The following NEO1 variants were observed in gnomAD, a reference collection of about 807,000 sequenced individuals.
The protein encoded by NEO1 is neogenin 1.
A neutral mutation model predicts 159.7 loss-of-function variants in NEO1; 63 were observed. That is an observed-to-expected ratio of 0.39 (90% CI 0.32 to 0.49). The LOEUF is 0.49. Among genes scored for constraint, NEO1 ranks in the 20% least tolerant of loss-of-function variants. NEO1 has a pLI of 0.85. For missense variants in NEO1, 1,615 were observed against 1,831.0 expected, an observed-to-expected ratio of 0.88 and a Z score of 2.15; for synonymous variants, 633 against 662.0, an observed-to-expected ratio of 0.96 and a Z score of 0.67.
chr15:73,220,304 G>T (rs1407094454), intron 7 of NEO1, among the ~76,000 whole-genome samples: 1 of 152,176 alleles, frequency 6.6e-6, no homozygotes, highest in African/African-American at 2.4e-5. Context: ...TCCACTGTTA[G>T]TCTGATGGGC....
intron 7 of NEO1, among the ~76,000 whole-genome samples, chr15:73,210,011 GA>G (rs2037465894): frequency 6.6e-6 from 1 of 151,872 alleles, no homozygotes; most frequent in Non-Finnish European, 1.5e-5. Flanking sequence ...CTAAAAAAAC[GA>G]AAAAAAGTAG....
intron 1 of NEO1, among the ~76,000 whole-genome samples, chr15:73,113,407 T>C (rs967695456): frequency 2.6e-5 from 4 of 152,128 alleles, no homozygotes; most frequent in Non-Finnish European, 5.9e-5. Context: ...ACTGGGAATA[T>C]AGCAAATGAA....
At chr15:73,069,168 G>A (rs985993903) in intron 1 of NEO1, among the ~76,000 whole-genome samples, 1 of 105,254 alleles carries the variant, frequency 9.5e-6, no homozygotes, top group African/African-American at 3.3e-5. Context: ...TTGCTATGTT[G>A]CCCAGCTGGT....
intron 13 of NEO1, among the ~76,000 whole-genome samples, chr15:73,257,138 A>AAAG (rs887574108): frequency 6.0e-5 from 7 of 116,816 alleles, no homozygotes; most frequent in African/African-American, 3.1e-4. Flanking sequence ...TCTCCAAAAA[A>AAAG]AAAAAAAAAA....
chr15:73,226,032 G>A (rs1260298816), intron 7 of NEO1, among the ~76,000 whole-genome samples: 2 of 152,094 alleles, frequency 1.3e-5, no homozygotes, highest in African/African-American at 2.4e-5. Flanking sequence ...AGGTAAGGTC[G>A]GAAACTTCTC....
chr15:73,071,257 G>A (rs1299025272), intron 1 of NEO1, among the ~76,000 whole-genome samples: 6 of 152,142 alleles, frequency 3.9e-5, no homozygotes, highest in Admixed American at 3.9e-4. Context: ...TTCTTTATGT[G>A]TAGTTACTAC....
At position 73,204,117 on chromosome 15, in the gene NEO1, T is replaced by TG. The variant is rs1210039521; in HGVS notation, c.1291+25693dup. On this transcript the variant is annotated intron_variant, in intron 7 of 28. Coordinates refer to ENST00000261908, the MANE Select transcript of NEO1 (RefSeq NM_002499.4). ...TGCTGGATATAGAATGTAAGGTTGGTGGGTTTTTTTTTCAGCACTTTGAAT... is the reference window on the plus strand; with the variant it reads ...TGCTGGATATAGAATGTAAGGTTGGTGGGGTTTTTTTTTCAGCACTTTGAAT... 4.5e-5 allele frequency among the ~76,000 whole-genome samples: 6 copies of TG among 132,214 alleles called. No individual in the cohort carries two copies. The East Asian group carries it at 1.1e-3, about 23-fold the overall frequency. 86.7% of individuals were successfully genotyped at this position (132,214 alleles called of 152,430 possible). A position where few individuals can be genotyped will look rare whatever the true frequency, so the allele number is the denominator to read the frequency against.
intron 1 of NEO1, among the ~76,000 whole-genome samples, chr15:73,100,338 CTTT>C (rs1165859838): frequency 7.0e-6 from 1 of 143,256 alleles, no homozygotes; most frequent in Non-Finnish European, 1.5e-5. Context: ...ATTTTGATAT[CTTT>C]TTTTTTTTTT....
intron 5 of NEO1, among the ~76,000 whole-genome samples, chr15:73,172,075 G>A (rs2035009971): frequency 6.6e-6 from 1 of 152,172 alleles, no homozygotes; most frequent in Non-Finnish European, 1.5e-5. Context: ...AATAATATGT[G>A]TGTAGGGTAG....
At chr15:73,068,791 TTTG>T (rs1002301794) in intron 1 of NEO1, among the ~76,000 whole-genome samples, 24 of 152,286 alleles carry the variant, frequency 1.6e-4, no homozygotes, top group East Asian at 3.9e-4. Context: ...CACTGGGTAT[TTTG>T]TTGTTGTTCT....
intron 12 of NEO1, among the ~76,000 whole-genome samples, 158 bp downstream of exon 12, chr15:73,253,607 G>A (rs1319883307): frequency 1.3e-5 from 2 of 151,888 alleles, no homozygotes; most frequent in East Asian, 1.9e-4. Flanking sequence ...AAATTAGAAC[G>A]TAAGTGAAAA....
intron 4 of NEO1, among the ~76,000 whole-genome samples, chr15:73,128,001 GTATC>G (rs2030530750): frequency 6.6e-6 from 1 of 152,110 alleles, no homozygotes; most frequent in Non-Finnish European, 1.5e-5. Flanking sequence ...GTAGAAACAG[GTATC>G]TATCTAGTTA....
At chr15:73,129,341 G>A (rs2030770421) in intron 4 of NEO1, among the ~76,000 whole-genome samples, 1 of 151,992 alleles carries the variant, frequency 6.6e-6, no homozygotes, top group Non-Finnish European at 1.5e-5. Flanking sequence ...TTAGAAAGAG[G>A]CTTAGAAGTT....
At chr15:73,250,673 T>C (rs2040024718) in intron 11 of NEO1, among the ~76,000 whole-genome samples, 1 of 152,108 alleles carries the variant, frequency 6.6e-6, no homozygotes, top group Non-Finnish European at 1.5e-5. Flanking sequence ...TTTAACTGAC[T>C]TGGATTCTTA....
At chr15:73,213,940 T>C (rs540615977) in intron 7 of NEO1, among the ~76,000 whole-genome samples, 9 of 152,328 alleles carry the variant, frequency 5.9e-5, no homozygotes, top group African/African-American at 2.2e-4. Context: ...TACTGTTTTT[T>C]GATTTTTTGA....
At chr15:73,262,924 G>A (rs1410531993) in intron 15 of NEO1, among the ~76,000 whole-genome samples, 1 of 152,124 alleles carries the variant, frequency 6.6e-6, no homozygotes, top group Non-Finnish European at 1.5e-5. Flanking sequence ...TAAACATGCT[G>A]ACCAAAGACG....
At chr15:73,095,380 C>T (rs1423730569) in intron 1 of NEO1, among the ~76,000 whole-genome samples, 2 of 152,104 alleles carry the variant, frequency 1.3e-5, no homozygotes, top group Non-Finnish European at 2.9e-5. Context: ...AAAAGCCTAA[C>T]ATATTTTCTG....
At chr15:73,183,758 A>G (rs2035756126) in intron 7 of NEO1, among the ~76,000 whole-genome samples, 1 of 141,618 alleles carries the variant, frequency 7.1e-6, no homozygotes, top group Non-Finnish European at 1.6e-5. Context: ...GAGGAAAGGA[A>G]AAAAAAAGAG....
At chr15:73,244,754 C>T (rs953195540) in intron 9 of NEO1, among the ~76,000 whole-genome samples, 5 of 151,604 alleles carry the variant, frequency 3.3e-5, no homozygotes, top group Admixed American at 6.6e-5. Context: ...TTTTTTAGAC[C>T]AGCCTGGCCA....
Sources: gnomAD v4.1 joint callset for allele counts (sites outside exome capture counted in the v4.1 genomes callset) on GRCh38, gnomAD v4.1.1 for gene constraint, MANE v1.5 for transcripts, NCBI Gene and HGNC (gene_info 2026-07-23, HGNC 2026-07-21) for gene names.